The following DNAAF9 variants were observed in gnomAD, a reference collection of about 807,000 sequenced individuals.
DNAAF9 encodes the protein dynein axonemal assembly factor 9, also known as shulin.
In DNAAF9, 90 loss-of-function variants were observed where a neutral mutation model predicts 167.0. The ratio of observed to expected loss-of-function variants is 0.54; its 90% CI spans 0.45 to 0.64. The LOEUF (loss-of-function observed/expected upper bound fraction) is 0.64. Among genes scored for constraint, DNAAF9 ranks in the 30% least tolerant of loss-of-function variants. DNAAF9 has a pLI of 0.00. For synonymous variants in DNAAF9, 491 were observed against 508.8 expected, an observed-to-expected ratio of 0.96 and a Z score of 0.47; for missense variants, 1,315 against 1,442.2, an observed-to-expected ratio of 0.91 and a Z score of 1.43.
At chr20:3,377,468 C>CT (rs111891802) in intron 3 of DNAAF9, among the ~76,000 whole-genome samples, 8,106 of 143,990 alleles carry the variant, frequency 0.056, 385 homozygotes, top group African/African-American at 0.13. Flanking sequence ...TGTTTTCTTT[C>CT]TTTTTTTTTT....
In DNAAF9 at chr20:3,322,660, A is replaced by C. The variant is rs200137145; in HGVS notation, c.1302T>G (p.Asn434Lys). 6.2e-7 allele frequency: 1 copy of C among 1,612,674 alleles called. No homozygotes were observed. The highest frequency in any genetic ancestry group is 1.1e-5 in the South Asian group (1 of 91,048). Residue 434 changes from asparagine to lysine, a missense_variant, in exon 15 of 37, where the codon AAT (asparagine) becomes AAG (lysine). Physicochemically the swap from Asn to Lys is moderately conservative, Grantham distance 94 (BLOSUM62 0). Coordinates refer to ENST00000252032, the MANE Select transcript of DNAAF9 (RefSeq NM_001009984.3). The part of the protein sequence containing the change: ...KMTFHIHAVN[N>K]QGRIVPLDSE... ...CACAATCATATACGCACCTTCCCTG[A>C]TTATTCACAGCATGTATATGAAAAG...
chr20:3,391,646 T>C (rs1159715760), intron 1 of DNAAF9, among the ~76,000 whole-genome samples: 1 of 147,922 alleles, frequency 6.8e-6, no homozygotes, highest in Non-Finnish European at 1.5e-5. Flanking sequence ...AACAGCGCGA[T>C]CTTGGCTCAC....
chr20:3,321,807 G>A (rs182472135), intron 16 of DNAAF9, among the ~76,000 whole-genome samples: 2 of 152,218 alleles, frequency 1.3e-5, no homozygotes, highest in Admixed American at 1.3e-4. Context: ...CTAGGTTCCT[G>A]TTAAGGACAT....
At chr20:3,291,036 G>C (rs73608138) in intron 25 of DNAAF9, among the ~76,000 whole-genome samples, 2 of 152,124 alleles carry the variant, frequency 1.3e-5, no homozygotes, top group South Asian at 4.1e-4. Flanking sequence ...TGATCCACCC[G>C]CCTTGGCCTC....
chr20:3,335,609 T>A (rs1226872218), intron 10 of DNAAF9, among the ~76,000 whole-genome samples: 3 of 151,304 alleles, frequency 2.0e-5, no homozygotes, highest in Admixed American at 6.6e-5. Context: ...ATACAAAAAT[T>A]AGCCAGGTGT....
intron 30 of DNAAF9, among the ~76,000 whole-genome samples, chr20:3,266,389 T>A (rs2068490496): frequency 6.6e-6 from 1 of 152,242 alleles, no homozygotes; most frequent in Non-Finnish European, 1.5e-5. Flanking sequence ...TTTCACCTAG[T>A]GCTTTTAGCA....
chr20:3,305,482 A>G (rs2122991514), intron 20 of DNAAF9, among the ~76,000 whole-genome samples: 1 of 152,384 alleles, frequency 6.6e-6, no homozygotes, highest in Admixed American at 6.5e-5. Context: ...GCCAAGGCAA[A>G]GGCCAAGAGA....
In DNAAF9 at chr20:3,255,266, G is replaced by A. The variant is rs751036736; in HGVS notation, c.3280C>T (p.Leu1094=). The A allele has an allele frequency of 5.2e-6, 8 of 1,550,748 alleles. No homozygotes were observed. Among genetic ancestry groups the A allele is most frequent in the Non-Finnish European group, 7.0e-6 (8 of 1,146,360 alleles). ...TGCGTCAGCATCCCCCTGGTCTTCAGGGCTTTCCTCTGAGGCTTCTGCAGA... is the reference window on the plus strand; with the variant it reads ...TGCGTCAGCATCCCCCTGGTCTTCAAGGCTTTCCTCTGAGGCTTCTGCAGA... The part of the protein sequence containing the change: ...SAKQKPQRKA[L]KTRGMLTQQE... The change falls in exon 35 of 37, where the codon CTG becomes TTG. Residue 1094 remains leucine (L), a synonymous_variant. Transcript: ENST00000252032.
intron 29 of DNAAF9, among the ~76,000 whole-genome samples, chr20:3,272,838 T>C (rs2068617462): frequency 6.6e-6 from 1 of 152,220 alleles, no homozygotes; most frequent in Admixed American, 6.5e-5. Flanking sequence ...TTATTATTTC[T>C]TGAGATGGAG....
intron 33 of DNAAF9, among the ~76,000 whole-genome samples, chr20:3,258,415 A>G (rs1156387413): frequency 6.6e-6 from 1 of 152,120 alleles, no homozygotes; most frequent in East Asian, 1.9e-4. Flanking sequence ...TACAGCAGAA[A>G]CTGATAGCTG....
intron 30 of DNAAF9, 89 bp from the exon 31 acceptor site, chr20:3,264,613 A>AG: frequency 2.7e-6 from 2 of 742,858 alleles, no homozygotes; most frequent in Non-Finnish European, 4.8e-6. Flanking sequence ...CTCTGTCGCC[A>AG]GGCTGGAGTG....
At position 3,298,049 on chromosome 20, in the gene DNAAF9, A is replaced by G. The variant is rs758923924; in HGVS notation, c.1909T>C (p.Tyr637His). Residue 637 changes from tyrosine (Y) to histidine (H), a missense_variant, in exon 22 of 37, where the codon TAC (tyrosine) becomes CAC (histidine). Around this residue, in one of 2 missense-constraint regions of DNAAF9, gnomAD observed 981 missense variants for 1,012.5 expected, o/e 0.97. Coordinates refer to ENST00000252032, the MANE Select transcript of DNAAF9 (RefSeq NM_001009984.3). ...MIALFPKSKI[Y>H]QAFYSEVFSL... Reference sequence around the variant, plus strand: ...ATTACCTCTGAGTAAAATGCTTGGTATATCTTCGATTTGGGGAAAAGGGCA... The same window carrying G: ...ATTACCTCTGAGTAAAATGCTTGGTGTATCTTCGATTTGGGGAAAAGGGCA... 28 of 1,613,244 alleles carry G rather than the reference A, an allele frequency of 1.7e-5. No individual in the cohort carries two copies. The highest frequency in any genetic ancestry group is 2.3e-5 in the Non-Finnish European group (27 of 1,179,166).
chr20:3,322,320 T>A, intron 15 of DNAAF9, 58 bp from the exon 16 acceptor site: 2 of 1,346,898 alleles, frequency 1.5e-6, no homozygotes, highest in Non-Finnish European at 2.1e-6. Flanking sequence ...TACTTAAATT[T>A]ACAGTGTTTG....
chr20:3,272,248 A>G (rs1305947273), intron 29 of DNAAF9, among the ~76,000 whole-genome samples: 5 of 152,222 alleles, frequency 3.3e-5, no homozygotes, highest in Non-Finnish European at 5.9e-5. Flanking sequence ...TTTTTGAATC[A>G]GGAACCAAAG....
At chr20:3,361,144 T>C (rs761380724) in intron 6 of DNAAF9, among the ~76,000 whole-genome samples, 5 of 152,024 alleles carry the variant, frequency 3.3e-5, no homozygotes, top group Non-Finnish European at 7.4e-5. Flanking sequence ...ATGGAAGGTG[T>C]TGGGTGGTGA....
At chr20:3,352,484 C>A (rs972970153) in intron 7 of DNAAF9, among the ~76,000 whole-genome samples, 6 of 151,112 alleles carry the variant, frequency 4.0e-5, no homozygotes, top group African/African-American at 1.5e-4. Flanking sequence ...CCTCTCTGGT[C>A]CCAGATCTAC....
At chr20:3,336,110 G>A (rs1267798750) in intron 10 of DNAAF9, among the ~76,000 whole-genome samples, 12 of 152,068 alleles carry the variant, frequency 7.9e-5, no homozygotes, top group African/African-American at 2.4e-4. Flanking sequence ...GTGACAGAGC[G>A]AGACCCCATT....
At chr20:3,297,405 T>C (rs938484930) in intron 22 of DNAAF9, among the ~76,000 whole-genome samples, 1 of 152,126 alleles carries the variant, frequency 6.6e-6, no homozygotes, top group Non-Finnish European at 1.5e-5. Context: ...TGAGAAGCTA[T>C]ACTATAGCCA....
chr20:3,315,789 T>G lies in DNAAF9; in HGVS notation c.1540-4A>C. The G allele has an allele frequency of 1.2e-6, 2 of 1,612,850 alleles. No homozygotes were observed. The highest frequency in any genetic ancestry group is 8.5e-7 in the Non-Finnish European group (1 of 1,178,786). On this transcript the variant is annotated splice_polypyrimidine_tract_variant and splice_region_variant and intron_variant, in intron 18 of 36. Coordinates refer to ENST00000252032, the MANE Select transcript of DNAAF9 (RefSeq NM_001009984.3). This position sits in a 1 kb window ranked among gnomAD's most constrained non-coding sequence, Gnocchi z 4.1. ...ATTTTACTTCATTATCTTCCACCTG[T>G]GTCCAAAAGGAATGCAGATTTTCAG... is the stretch of plus-strand genomic sequence containing the variant.
Sources: allele counts gnomAD v4.1 joint callset (sites outside exome capture counted in the v4.1 genomes callset), GRCh38; gene constraint gnomAD v4.1.1; regional missense constraint gnomAD v4.1.1; non-coding constraint Gnocchi (gnomAD v3.1); transcripts MANE v1.5; gene names NCBI Gene and HGNC (gene_info 2026-07-23, HGNC 2026-07-21).